NAV2: variants seen among roughly 807,000 people sequenced by gnomAD.
The protein encoded by NAV2 is helicase, APC down-regulated 1.
Under a neutral mutation model 223.2 loss-of-function variants are expected in NAV2, and 54 were observed. The observed-to-expected ratio is 0.24, with a 90% CI of 0.19 to 0.30. The LOEUF (loss-of-function observed/expected upper bound fraction) is 0.30. Among genes scored for constraint, NAV2 ranks in the 10% least tolerant of loss-of-function variants. The pLI, the probability that NAV2 is intolerant of heterozygous loss-of-function variation, is 1.00. For missense variants in NAV2, 2,806 were observed against 3,147.5 expected (o/e 0.89, Z 2.60); for synonymous variants, 1,279 against 1,239.3 (o/e 1.03, Z -0.67).
intron 1 of NAV2, among the ~76,000 whole-genome samples, chr11:19,410,102 C>T (rs1850076074): frequency 6.6e-6 from 1 of 152,200 alleles, no homozygotes; most frequent in Non-Finnish European, 1.5e-5. Flanking sequence ...CCACCCTACC[C>T]ATTTCCTGCC....
intron 10 of NAV2, among the ~76,000 whole-genome samples, chr11:19,983,724 T>G (rs1177099009): frequency 1.3e-5 from 2 of 152,088 alleles, no homozygotes; most frequent in African/African-American, 4.8e-5. Flanking sequence ...TCTGTAATAT[T>G]ATTGCCTATG....
At chr11:19,458,965 G>T (rs1377449604) in intron 1 of NAV2, among the ~76,000 whole-genome samples, 1 of 152,262 alleles carries the variant, frequency 6.6e-6, no homozygotes, top group Non-Finnish European at 1.5e-5. Flanking sequence ...AGGGAGTCTT[G>T]AGTGTGCGTG....
At chr11:19,759,426 C>T (rs2054543209) in intron 1 of NAV2, among the ~76,000 whole-genome samples, 1 of 152,150 alleles carries the variant, frequency 6.6e-6, no homozygotes, top group Admixed American at 6.5e-5. Flanking sequence ...CTAACACACC[C>T]TAACTTTTAA....
At chr11:19,886,265 A>G (rs1327034929) in intron 5 of NAV2, among the ~76,000 whole-genome samples, 2 of 152,100 alleles carry the variant, frequency 1.3e-5, no homozygotes, top group Non-Finnish European at 2.9e-5. Context: ...GGTGTGAGCC[A>G]CTGAGCTGCC....
At chr11:19,517,443 A>G (rs540107149) in intron 1 of NAV2, among the ~76,000 whole-genome samples, 1 of 152,346 alleles carries the variant, frequency 6.6e-6, no homozygotes, top group African/African-American at 2.4e-5. Flanking sequence ...TGGGCGGATT[A>G]AGTAAAACTG....
At position 20,044,478 on chromosome 11, in the gene NAV2, G is replaced by A. The variant is rs3802801; in HGVS notation, c.3199+206G>A. 2.8e-4 allele frequency among the ~76,000 whole-genome samples: 42 copies of A among 152,286 alleles called. No homozygotes were observed. In the East Asian group the frequency reaches 7.9e-3, roughly 29 times the overall value. On this transcript the variant is annotated intron_variant, in intron 13 of 37. Coordinates refer to ENST00000349880, the MANE Select transcript of NAV2 (RefSeq NM_145117.5). The stretch of plus-strand genomic sequence containing the variant: ...GCCTCTTAAGCTCTGAAGATGGTTC[G>A]GCTGCTGAGACATACTGAATTGGTT...
intron 1 of NAV2, among the ~76,000 whole-genome samples, chr11:19,772,240 T>G (rs1218412740): frequency 1.3e-5 from 2 of 152,252 alleles, no homozygotes; most frequent in East Asian, 3.8e-4. Flanking sequence ...CAGTTTGCCT[T>G]CATGATCCTA....
intron 1 of NAV2, among the ~76,000 whole-genome samples, chr11:19,589,949 T>C (rs2046011372): frequency 6.6e-6 from 1 of 152,170 alleles, no homozygotes; most frequent in Non-Finnish European, 1.5e-5. Context: ...GAGCTCACCG[T>C]GGGGCCTGGG....
chr11:19,630,104 C>G (rs1027290734), intron 1 of NAV2, among the ~76,000 whole-genome samples: 20 of 151,576 alleles, frequency 1.3e-4, no homozygotes, highest in Admixed American at 2.0e-4. Context: ...GACCTATGTT[C>G]CCCCAACTCT....
intron 1 of NAV2, among the ~76,000 whole-genome samples, chr11:19,443,405 G>T (rs1851472996): frequency 6.6e-6 from 1 of 152,184 alleles, no homozygotes; most frequent in South Asian, 2.1e-4. Flanking sequence ...AAAGAGATGG[G>T]CAGTGCATCC....
At chr11:19,887,520 C>T (rs2041116109) in intron 5 of NAV2, among the ~76,000 whole-genome samples, 1 of 152,114 alleles carries the variant, frequency 6.6e-6, no homozygotes, top group South Asian at 2.1e-4. Flanking sequence ...TCTTGCCTTG[C>T]TCACAGCATT....
chr11:19,868,839 TTC>T (rs2062267995), intron 3 of NAV2, 84 bp from the exon 4 acceptor site: 2 of 1,354,136 alleles, frequency 1.5e-6, no homozygotes, highest in African/African-American at 1.4e-5. Flanking sequence ...TTTTACAGCA[TTC>T]TGTTTTCCCA....
chr11:20,103,509 A>G, intron 33 of NAV2, 100 bp downstream of exon 33: 1 of 1,506,104 alleles, frequency 6.6e-7, no homozygotes, highest in South Asian at 1.2e-5. Flanking sequence ...GTGGGAGTGA[A>G]GCTGTGCACA....
chr11:19,778,488 T>A, intron 1 of NAV2: 1 of 287,008 alleles, frequency 3.5e-6, no homozygotes, highest in South Asian at 3.0e-5. Context: ...TCTTTAAAGA[T>A]GCTACCAAAA....
At chr11:19,521,566 C>T (rs2043656439) in intron 1 of NAV2, among the ~76,000 whole-genome samples, 1 of 152,178 alleles carries the variant, frequency 6.6e-6, no homozygotes, top group East Asian at 1.9e-4. Context: ...TCATTCTTGA[C>T]CTATCTTATG....
At chr11:19,946,212 C>T (rs533953283) in intron 8 of NAV2, among the ~76,000 whole-genome samples, 189 bp from the exon 9 acceptor site, 6 of 152,320 alleles carry the variant, frequency 3.9e-5, no homozygotes, top group African/African-American at 1.4e-4. Context: ...CCCTGGACTT[C>T]ACACTTCCTT....
chr11:19,945,493 G>A (rs1235517615), intron 8 of NAV2, among the ~76,000 whole-genome samples: 1 of 152,082 alleles, frequency 6.6e-6, no homozygotes, highest in East Asian at 1.9e-4. Flanking sequence ...TCCAACCTTA[G>A]CCTCCAGAGT....
chr11:19,762,575 G>A (rs1425930793), intron 1 of NAV2, among the ~76,000 whole-genome samples: 2 of 150,950 alleles, frequency 1.3e-5, no homozygotes, highest in African/African-American at 2.4e-5. Context: ...AACTACTTGG[G>A]TATCAGCATA....
chr11:20,082,519 A>G, intron 25 of NAV2: 4 of 1,491,998 alleles, frequency 2.7e-6, no homozygotes, highest in South Asian at 1.1e-5. Context: ...TTTCCCTGTC[A>G]CTGGCTTTCT....
Sources: gnomAD v4.1 joint callset for allele counts (sites outside exome capture counted in the v4.1 genomes callset) on GRCh38, gnomAD v4.1.1 for gene constraint, MANE v1.5 for transcripts, NCBI Gene and HGNC (gene_info 2026-07-23, HGNC 2026-07-21) for gene names.